The following GALNT18 variants were observed in gnomAD, a reference collection of about 807,000 sequenced individuals.
The protein encoded by GALNT18 is polypeptide N-acetylgalactosaminyltransferase 18.
In GALNT18, 44 loss-of-function variants were observed where a neutral mutation model predicts 69.5. The ratio of observed to expected loss-of-function variants is 0.63; its 90% CI spans 0.50 to 0.81. The LOEUF is 0.81. GALNT18 is among the 40% of genes least tolerant of loss of function. The pLI is 0.00. For missense variants in GALNT18, 715 were observed against 810.0 expected (o/e 0.88, Z 1.42); for synonymous variants, 364 against 318.2 (o/e 1.14, Z -1.53).
At chr11:11,363,147 A>T (rs1169113623) in intron 6 of GALNT18, among the ~76,000 whole-genome samples, 1 of 152,222 alleles carries the variant, frequency 6.6e-6, no homozygotes, top group Admixed American at 6.5e-5. Flanking sequence ...AAACAAAAAT[A>T]AATGTTTACA....
chr11:11,500,989 G>A lies in GALNT18; in HGVS notation c.236-52053C>T, dbSNP rs965478097. Among the ~76,000 whole-genome samples, 4 of 152,192 alleles carry A rather than the reference G, an allele frequency of 2.6e-5. No individual in the cohort carries two copies. The highest frequency in any genetic ancestry group is 7.2e-5 in the African/African-American group (3 of 41,438). On this transcript the variant is annotated intron_variant, in intron 1 of 10. Transcript: ENST00000227756. The surrounding 1 kb of genome is among the most constrained non-coding windows in gnomAD (Gnocchi z 5.0). ...CAACACCTGTCGCAGACTGGAAACTGGGCAGAACAGCAACTCCAAGGAGGC... is the reference window on the plus strand; with the variant it reads ...CAACACCTGTCGCAGACTGGAAACTAGGCAGAACAGCAACTCCAAGGAGGC...
In GALNT18 at chr11:11,431,070, C is replaced by A. The variant is rs1215640408; in HGVS notation, c.595+1551G>T. Among the ~76,000 whole-genome samples the A allele has an allele frequency of 2.6e-5, 4 of 152,134 alleles. No individual in the cohort carries two copies. In the East Asian group the frequency reaches 7.7e-4, roughly 29 times the overall value. ...AGCTTTGTCCATATGACTTAGAGTCCAAATGGCATCCTTAAGGACATGAAA... is the reference window on the plus strand; with the variant it reads ...AGCTTTGTCCATATGACTTAGAGTCAAAATGGCATCCTTAAGGACATGAAA... On this transcript the variant is annotated intron_variant, in intron 3 of 10. Coordinates refer to ENST00000227756, the MANE Select transcript of GALNT18 (RefSeq NM_198516.3).
rs1167164591 is a variant in GALNT18 at position 11,616,298 on chromosome 11, T to C, written c.235+5061A>G. On this transcript the variant is annotated intron_variant, in intron 1 of 10. Transcript: ENST00000227756. This position sits in a 1 kb window ranked among gnomAD's most constrained non-coding sequence, Gnocchi z 4.4. ...AGGGATTACATTTACTCGGAAAAATTTGAATGATAACACCCAATGCTGGCC... is the reference window on the plus strand; with the variant it reads ...AGGGATTACATTTACTCGGAAAAATCTGAATGATAACACCCAATGCTGGCC... Among the ~76,000 whole-genome samples, 2 of 152,192 alleles carry C rather than the reference T, an allele frequency of 1.3e-5. No individual in the cohort carries two copies. Among genetic ancestry groups the C allele is most frequent in the African/African-American group, 2.4e-5 (1 of 41,438 alleles).
chr11:11,398,556 C>T (rs1208482748), intron 3 of GALNT18, among the ~76,000 whole-genome samples: 3 of 152,188 alleles, frequency 2.0e-5, no homozygotes, highest in Non-Finnish European at 4.4e-5. Context: ...CTCAGGCAGT[C>T]GGGCTTCAGC....
At chr11:11,289,162 C>T (rs539999260) in intron 10 of GALNT18, among the ~76,000 whole-genome samples, 1 of 152,330 alleles carries the variant, frequency 6.6e-6, no homozygotes, top group East Asian at 1.9e-4. Context: ...ACAGCGACTC[C>T]TCACCAATGA....
chr11:11,554,086 G>A (rs1001594344), intron 1 of GALNT18, among the ~76,000 whole-genome samples: 1 of 152,176 alleles, frequency 6.6e-6, no homozygotes, highest in Non-Finnish European at 1.5e-5. Context: ...TGAGTGATGC[G>A]TCCTCCCCGG....
chr11:11,341,109 CACCTTGACTCCCCAGATCACTCTCTGTG>C lies in GALNT18; in HGVS notation c.1093-133_1093-106del. 1.0e-6 allele frequency: 1 copy of C among 1,003,514 alleles called. No individual in the cohort carries two copies. Among genetic ancestry groups the C allele is most frequent in the South Asian group, 1.6e-5 (1 of 61,508 alleles). The allele number at this position is 1,003,514 out of a possible 1,614,324, so 62.2% of individuals were successfully genotyped here. ...TGAGCAGGAAGAAAGTCAGCCCCTT[CACCTTGACTCCCCAGATCACTCTCTGTG>C]AAGGAGTAGGCCATACCTGATTTCT... On this transcript the variant is annotated intron_variant, in intron 6 of 10. Coordinates refer to ENST00000227756, the MANE Select transcript of GALNT18 (RefSeq NM_198516.3). The surrounding 1 kb of genome is among the most constrained non-coding windows in gnomAD (Gnocchi z 6.3).
In GALNT18 at chr11:11,430,739, T is replaced by G. The variant is rs1418716475; in HGVS notation, c.595+1882A>C. 6.6e-6 allele frequency among the ~76,000 whole-genome samples: 1 copy of G among 152,144 alleles called. No homozygotes were observed. The highest frequency in any genetic ancestry group is 1.5e-5 in the Non-Finnish European group (1 of 68,030). ...TTCTCAGCCAAATGGTCCAACAGAT[T>G]TTTCCTTCATAATACCTCTCAGGCC... On this transcript the variant is annotated intron_variant, in intron 3 of 10. Transcript: ENST00000227756. This position sits in a 1 kb window ranked among gnomAD's most constrained non-coding sequence, Gnocchi z 4.9.
chr11:11,467,782 G>C (rs1244941097), intron 1 of GALNT18, among the ~76,000 whole-genome samples: 16 of 152,190 alleles, frequency 1.1e-4, no homozygotes, highest in Admixed American at 1.0e-3. Context: ...CTCTTTTGTA[G>C]TATTTCCTTT....
At position 11,591,433 on chromosome 11, in the gene GALNT18, G is replaced by A. The variant is rs748581126; in HGVS notation, c.235+29926C>T. Reference sequence around the variant, plus strand: ...GACTTTACTGGATGAGCCTCACTGCGTTCCTTCTCATCCATGTTTCTCAGG... The same window carrying A: ...GACTTTACTGGATGAGCCTCACTGCATTCCTTCTCATCCATGTTTCTCAGG... On this transcript the variant is annotated intron_variant, in intron 1 of 10. Coordinates refer to ENST00000227756, the MANE Select transcript of GALNT18 (RefSeq NM_198516.3). The surrounding 1 kb of genome is among the most constrained non-coding windows in gnomAD (Gnocchi z 4.8). Among the ~76,000 whole-genome samples the A allele has an allele frequency of 6.6e-6, 1 of 152,116 alleles. No individual in the cohort carries two copies. The highest frequency in any genetic ancestry group is 2.4e-5 in the African/African-American group (1 of 41,418).
intron 10 of GALNT18, among the ~76,000 whole-genome samples, chr11:11,280,938 C>T (rs1250098688): frequency 2.6e-5 from 4 of 152,212 alleles, no homozygotes; most frequent in Admixed American, 2.6e-4. Context: ...CAAGGCCAGA[C>T]CATTGCTCCA....
intron 10 of GALNT18, among the ~76,000 whole-genome samples, chr11:11,289,450 T>C (rs1488529152): frequency 6.6e-6 from 1 of 152,102 alleles, no homozygotes; most frequent in South Asian, 2.1e-4. Flanking sequence ...GCCTGCTTTG[T>C]TGACTGCTAT....
intron 6 of GALNT18, among the ~76,000 whole-genome samples, chr11:11,369,717 A>G (rs1850853616): frequency 6.6e-6 from 1 of 152,004 alleles, no homozygotes; most frequent in Admixed American, 6.5e-5. Flanking sequence ...TCTGTTTTCT[A>G]TTCAGTGTCA....
chr11:11,419,728 C>T (rs1356458904), intron 3 of GALNT18, among the ~76,000 whole-genome samples: 1 of 151,982 alleles, frequency 6.6e-6, no homozygotes, highest in African/African-American at 2.4e-5. Flanking sequence ...GCAGCCACCC[C>T]AAGACCAGGC....
At chr11:11,401,649 A>G (rs972985851) in intron 3 of GALNT18, among the ~76,000 whole-genome samples, 1 of 152,206 alleles carries the variant, frequency 6.6e-6, no homozygotes, top group Admixed American at 6.5e-5. Flanking sequence ...ACTTTCGCAT[A>G]TTTAATATTA....
At chr11:11,520,344 C>T (rs1857368654) in intron 1 of GALNT18, among the ~76,000 whole-genome samples, 1 of 152,236 alleles carries the variant, frequency 6.6e-6, no homozygotes, top group African/African-American at 2.4e-5. Context: ...CAAGCGCAAG[C>T]AGCGAGGCGC....
At position 11,601,137 on chromosome 11, in the gene GALNT18, G is replaced by A. The variant is rs1445825481; in HGVS notation, c.235+20222C>T. 6.6e-6 allele frequency among the ~76,000 whole-genome samples: 1 copy of A among 152,082 alleles called. No individual in the cohort carries two copies. Among genetic ancestry groups the A allele is most frequent in the African/African-American group, 2.4e-5 (1 of 41,402 alleles). On this transcript the variant is annotated intron_variant, in intron 1 of 10. Coordinates refer to ENST00000227756, the MANE Select transcript of GALNT18 (RefSeq NM_198516.3). This position sits in a 1 kb window ranked among gnomAD's most constrained non-coding sequence, Gnocchi z 4.0. The stretch of plus-strand genomic sequence containing the variant: ...CTTTTTCTGGTAAGTCTCACATCCA[G>A]GTCCCCTGAAAGACAATTTCTATGA...
intron 3 of GALNT18, among the ~76,000 whole-genome samples, chr11:11,401,819 A>G (rs1315035143): frequency 6.6e-6 from 1 of 152,222 alleles, no homozygotes; most frequent in African/African-American, 2.4e-5. Context: ...TTCCTAGCCA[A>G]AGGGAAGGCA....
At chr11:11,579,971 T>G (rs1331476953) in intron 1 of GALNT18, among the ~76,000 whole-genome samples, 4 of 152,090 alleles carry the variant, frequency 2.6e-5, no homozygotes, top group Non-Finnish European at 5.9e-5. Flanking sequence ...CCCCAACCCC[T>G]CAGTGTGGTG....
Sources: gnomAD v4.1 joint callset for allele counts (sites outside exome capture counted in the v4.1 genomes callset) on GRCh38, gnomAD v4.1.1 for gene constraint, Gnocchi (gnomAD v3.1) non-coding constraint, MANE v1.5 for transcripts, NCBI Gene and HGNC (gene_info 2026-07-23, HGNC 2026-07-21) for gene names.